MACROD2: variants seen among roughly 807,000 people sequenced by gnomAD.
MACROD2 encodes ADP-ribose glycohydrolase MACROD2.
MACROD2 carries 36 observed loss-of-function variants against 70.4 expected under a neutral mutation model. That is an observed-to-expected ratio of 0.51 (90% confidence interval 0.39 to 0.68). MACROD2 has a LOEUF of 0.68. Ranked by LOEUF, MACROD2 falls within the 30% of genes least tolerant of loss-of-function variation. The probability of loss-of-function intolerance (pLI) is 0.00; values close to 1 mark genes in which losing one functional copy is unlikely to be tolerated. For synonymous variants in MACROD2, 172 were observed against 178.8 expected (o/e 0.96, Z 0.30); for missense variants, 496 against 538.4 (o/e 0.92, Z 0.78).
chr20:13,999,217 C>T (rs925047425), intron 1 of MACROD2, among the ~76,000 whole-genome samples: 1 of 152,148 alleles, frequency 6.6e-6, no homozygotes, highest in African/African-American at 2.4e-5. Flanking sequence ...AGGTTCCTCT[C>T]CATTGCCTGT....
chr20:15,655,128 C>T (rs559988445), intron 8 of MACROD2, among the ~76,000 whole-genome samples: 39 of 150,996 alleles, frequency 2.6e-4, no homozygotes, highest in African/African-American at 8.7e-4. Context: ...TATGTGTGTG[C>T]GTGTGTGTGT....
At chr20:14,134,576 G>A (rs2054765496) in intron 3 of MACROD2, among the ~76,000 whole-genome samples, 1 of 152,072 alleles carries the variant, frequency 6.6e-6, no homozygotes, top group African/African-American at 2.4e-5. Context: ...GGAGGCCGAG[G>A]CGGACAAATC....
intron 5 of MACROD2, among the ~76,000 whole-genome samples, chr20:15,098,735 T>C (rs1601072087): frequency 6.6e-6 from 1 of 152,140 alleles, no homozygotes; most frequent in African/African-American, 2.4e-5. Context: ...CACAGGAACA[T>C]GAAGGAGGAG....
chr20:14,161,502 A>G (rs2055188355), intron 3 of MACROD2, among the ~76,000 whole-genome samples: 1 of 149,042 alleles, frequency 6.7e-6, no homozygotes, highest in Non-Finnish European at 1.5e-5. Flanking sequence ...ATTCTTTTTA[A>G]TGGATGCACA....
intron 3 of MACROD2, among the ~76,000 whole-genome samples, chr20:14,114,002 ATCTT>A (rs2054485309): frequency 6.6e-6 from 1 of 152,282 alleles, no homozygotes; most frequent in East Asian, 1.9e-4. Context: ...ATATAATTCT[ATCTT>A]TAGGTATAGA....
At chr20:15,016,292 T>C (rs2075120681) in intron 5 of MACROD2, among the ~76,000 whole-genome samples, 1 of 152,186 alleles carries the variant, frequency 6.6e-6, no homozygotes, top group African/African-American at 2.4e-5. Context: ...AGTGTATCAC[T>C]TCTCGGTCTA....
At chr20:14,551,374 T>G (rs1334578081) in intron 4 of MACROD2, among the ~76,000 whole-genome samples, 13 of 146,550 alleles carry the variant, frequency 8.9e-5, no homozygotes, top group Admixed American at 8.8e-4. Flanking sequence ...TGGCATTGCT[T>G]TCACTGCAAT....
chr20:14,683,890 CAAT>C (rs1264443434), intron 4 of MACROD2, among the ~76,000 whole-genome samples: 1 of 151,794 alleles, frequency 6.6e-6, no homozygotes, highest in Non-Finnish European at 1.5e-5. Context: ...GGGGCCCATT[CAAT>C]AATAACTAAA....
intron 15 of MACROD2, among the ~76,000 whole-genome samples, chr20:16,031,628 A>G (rs1264473454): frequency 1.3e-5 from 2 of 152,162 alleles, no homozygotes; most frequent in Non-Finnish European, 2.9e-5. Flanking sequence ...TATTTATGCA[A>G]TGAGATATTA....
At chr20:15,639,919 GAGAA>G (rs1016474784) in intron 8 of MACROD2, among the ~76,000 whole-genome samples, 21 of 151,578 alleles carry the variant, frequency 1.4e-4, no homozygotes, top group African/African-American at 4.1e-4. Context: ...GAGAGAAGGA[GAGAA>G]AGAGAGAGAG....
chr20:14,861,993 T>TAAA (rs1568838577), intron 5 of MACROD2, among the ~76,000 whole-genome samples: 1 of 36,516 alleles, frequency 2.7e-5, no homozygotes, highest in Non-Finnish European at 5.4e-5. Context: ...ATATATATAT[T>TAAA]TATATATATA....
At chr20:14,367,614 T>G (rs992128613) in intron 3 of MACROD2, among the ~76,000 whole-genome samples, 6 of 152,232 alleles carry the variant, frequency 3.9e-5, no homozygotes, top group Admixed American at 1.3e-4. Flanking sequence ...TCTATGATTT[T>G]GATAATAAAT....
intron 3 of MACROD2, among the ~76,000 whole-genome samples, chr20:14,318,586 C>A (rs1038897630): frequency 2.6e-5 from 4 of 152,262 alleles, no homozygotes; most frequent in Non-Finnish European, 5.9e-5. Context: ...GGATTTAATT[C>A]TGTTTCAAAG....
At position 14,638,534 on chromosome 20, in the gene MACROD2, C is replaced by T. The variant is rs1355615813; in HGVS notation, c.302-46309C>T. On this transcript the variant is annotated intron_variant, in intron 4 of 17. Coordinates refer to ENST00000684519, the MANE Select transcript of MACROD2 (RefSeq NM_001351661.2). ...ACTCAGAAGATGGGCCAGCCCTAAA[C>T]CTGATTCTGCCAGGATTCATGTGAC... is the stretch of plus-strand genomic sequence containing the variant. Among the ~76,000 whole-genome samples, 3 of 152,156 alleles carry T rather than the reference C, an allele frequency of 2.0e-5. No individual in the cohort carries two copies. In the East Asian group the frequency reaches 5.8e-4, roughly 29 times the overall value.
At chr20:14,558,201 G>A in intron 4 of MACROD2, among the ~76,000 whole-genome samples, 1 of 151,748 alleles carries the variant, frequency 6.6e-6, no homozygotes, top group Non-Finnish European at 1.5e-5. Flanking sequence ...ATTGTTGGGG[G>A]AAATAGGGAG....
In MACROD2 at chr20:14,230,654, T is replaced by TATATATATATATATATAAA; in HGVS notation, c.271+144927_271+144928insTATATATATATATATAAAA. Among the ~76,000 whole-genome samples the TATATATATATATATATAAA allele has an allele frequency of 4.4e-4, 33 of 74,226 alleles. 2 individuals are homozygous for TATATATATATATATATAAA. The highest frequency in any genetic ancestry group is 7.1e-3 in the Middle Eastern group (1 of 140). The allele number at this position is 74,226 out of a possible 152,430, so 48.7% of individuals were successfully genotyped here. A position where few individuals can be genotyped will look rare whatever the true frequency, so the allele number is the denominator to read the frequency against. ...GTTTATATATATATATATATATATA[T>TATATATATATATATATAAA]AACACAGGCTGGGCCTATATATATA... On this transcript the variant is annotated intron_variant, in intron 3 of 17. Transcript: ENST00000684519.
chr20:14,611,963 C>T (rs945895429), intron 4 of MACROD2, among the ~76,000 whole-genome samples: 3 of 152,032 alleles, frequency 2.0e-5, no homozygotes, highest in African/African-American at 7.2e-5. Flanking sequence ...GCAAATTTTT[C>T]TTAAAGGCAA....
At chr20:14,663,774 T>A (rs1274457073) in intron 4 of MACROD2, among the ~76,000 whole-genome samples, 1 of 152,086 alleles carries the variant, frequency 6.6e-6, no homozygotes, top group African/African-American at 2.4e-5. Context: ...TGTCACAATG[T>A]TTCTCTGATT....
chr20:14,164,242 G>T (rs1238689899), intron 3 of MACROD2, among the ~76,000 whole-genome samples: 1 of 152,068 alleles, frequency 6.6e-6, no homozygotes, highest in African/African-American at 2.4e-5. Flanking sequence ...TGATTTCTTT[G>T]GTGGCTTAGG....
Sources: allele counts gnomAD v4.1 joint callset (sites outside exome capture counted in the v4.1 genomes callset), GRCh38; gene constraint gnomAD v4.1.1; transcripts MANE v1.5; gene names NCBI Gene and HGNC (gene_info 2026-07-23, HGNC 2026-07-21).